MAGI2: variants seen among roughly 807,000 people sequenced by gnomAD.
MAGI2 encodes membrane associated guanylate kinase, WW and PDZ domain containing 2, also known as membrane-associated guanylate kinase, WW and PDZ domain-containing protein 2.
MAGI2 carries 35 observed loss-of-function variants against 133.3 expected under a neutral mutation model. The ratio of observed to expected loss-of-function variants is 0.26; its 90% CI spans 0.20 to 0.35. The LOEUF (loss-of-function observed/expected upper bound fraction) is 0.35, where lower values mean the gene tolerates loss of function less well. Among genes scored for constraint, MAGI2 ranks in the 10% least tolerant of loss-of-function variants. The pLI, the probability that MAGI2 is intolerant of heterozygous loss-of-function variation, is 1.00. For synonymous variants in MAGI2, 729 were observed against 710.6 expected (o/e 1.03, Z -0.41); for missense variants, 1,636 against 1,863.4 (o/e 0.88, Z 2.25).
chr7:78,185,643 C>T lies in MAGI2; in HGVS notation c.2297G>A (p.Arg766Gln), dbSNP rs746033133. The T allele has an allele frequency of 4.7e-5, 74 of 1,591,114 alleles. No homozygotes were observed. The highest frequency in any genetic ancestry group is 3.1e-4 in the South Asian group (27 of 87,748). ...RQQVPPRTSFRMDSSGPDYKE... is the reference protein window; with the variant it reads ...RQQVPPRTSFQMDSSGPDYKE... ...ACAATACTTGCCAGAGGAATCCATT[C>T]GAAAACTGGTCCTGGGTGGCACTTG... Residue 766 changes from arginine to glutamine, a missense_variant, in exon 13 of 22, where the codon CGA becomes CAA. Arg to Gln is a conservative substitution (Grantham distance 43). This residue lies in a region of MAGI2 where 920 missense variants were observed against 1,093.5 expected (regional missense o/e 0.84). Coordinates refer to ENST00000354212, the MANE Select transcript of MAGI2 (RefSeq NM_012301.4).
rs528122001 is a variant in MAGI2, at chr7:78,810,530, T to C, written c.419-183291A>G. Among the ~76,000 whole-genome samples the C allele has an allele frequency of 4.6e-5, 7 of 152,264 alleles. No homozygotes were observed. The South Asian group carries it at 1.4e-3, about 32-fold the overall frequency. Reference sequence around the variant, plus strand: ...GAATACAATTTAATATATTAGTGCATTGGTAGGAAATATTAACAGTGATAG... The same window carrying C: ...GAATACAATTTAATATATTAGTGCACTGGTAGGAAATATTAACAGTGATAG... On this transcript the variant is annotated intron_variant, in intron 2 of 21. Coordinates refer to ENST00000354212, the MANE Select transcript of MAGI2 (RefSeq NM_012301.4).
intron 2 of MAGI2, among the ~76,000 whole-genome samples, chr7:78,942,012 T>C (rs1801025608): frequency 6.6e-6 from 1 of 152,112 alleles, no homozygotes; most frequent in African/African-American, 2.4e-5. Flanking sequence ...AATGTGAAAA[T>C]TGTGAAACTA....
intron 1 of MAGI2, among the ~76,000 whole-genome samples, chr7:79,284,677 T>A (rs1273223982): frequency 6.6e-6 from 1 of 152,128 alleles, no homozygotes; most frequent in East Asian, 1.9e-4. Flanking sequence ...AGATCAATAG[T>A]TTCAATTAAT....
At chr7:78,363,155 C>A (rs1356741641) in intron 7 of MAGI2, among the ~76,000 whole-genome samples, 1 of 152,154 alleles carries the variant, frequency 6.6e-6, no homozygotes, top group African/African-American at 2.4e-5. Context: ...TGACTGAAGG[C>A]TCAACGCCTT....
At chr7:78,648,213 A>C (rs1811108411) in intron 2 of MAGI2, among the ~76,000 whole-genome samples, 1 of 152,214 alleles carries the variant, frequency 6.6e-6, no homozygotes, top group African/African-American at 2.4e-5. Context: ...TACAATAAAT[A>C]ACAATTCAAA....
At chr7:78,954,605 T>C (rs141917095) in intron 2 of MAGI2, among the ~76,000 whole-genome samples, 112 of 152,312 alleles carry the variant, frequency 7.4e-4, no homozygotes, top group African/African-American at 2.5e-3. Context: ...TGATGCCTCC[T>C]TCCCCTAATT....
intron 1 of MAGI2, among the ~76,000 whole-genome samples, chr7:79,126,639 G>C (rs1389500705): frequency 4.6e-5 from 7 of 151,928 alleles, no homozygotes; most frequent in Admixed American, 6.6e-5. Flanking sequence ...TTTGAGTTGG[G>C]TTTCATTCAT....
intron 1 of MAGI2, among the ~76,000 whole-genome samples, chr7:79,385,262 A>C (rs73141612): frequency 0.15 from 22,028 of 151,778 alleles, 1,703 homozygotes; most frequent in South Asian, 0.25. Flanking sequence ...GTAATAAAAA[A>C]CATAAGTGGA....
At chr7:78,545,175 A>G (rs1172524758) in intron 3 of MAGI2, among the ~76,000 whole-genome samples, 2 of 149,938 alleles carry the variant, frequency 1.3e-5, no homozygotes, top group African/African-American at 4.9e-5. Context: ...CTTATACTAA[A>G]TTGAGTCATG....
At chr7:79,104,667 A>AAAAT (rs568631365) in intron 1 of MAGI2, among the ~76,000 whole-genome samples, 23 of 152,206 alleles carry the variant, frequency 1.5e-4, no homozygotes, top group South Asian at 6.2e-4. Context: ...CTCCATCTCA[A>AAAAT]AAATAAATAA....
At chr7:78,263,843 T>C (rs1793745065) in intron 9 of MAGI2, among the ~76,000 whole-genome samples, 1 of 152,150 alleles carries the variant, frequency 6.6e-6, no homozygotes, top group Admixed American at 6.5e-5. Context: ...ATTTTCATTG[T>C]CTCCTGCTTT....
At chr7:78,726,847 T>G (rs903005145) in intron 2 of MAGI2, among the ~76,000 whole-genome samples, 3 of 152,132 alleles carry the variant, frequency 2.0e-5, no homozygotes, top group African/African-American at 7.2e-5. Flanking sequence ...TCACATCTTT[T>G]TAGGCATCCT....
intron 1 of MAGI2, among the ~76,000 whole-genome samples, chr7:79,171,780 T>TTTTTTTTTTTTTTC: frequency 1.9e-5 from 1 of 53,438 alleles, no homozygotes; most frequent in Non-Finnish European, 5.6e-5. Context: ...ATTTTTTTTT[T>TTTTTTTTTTTTTTC]TTTTTTCTTT....
chr7:78,674,814 G>A (rs1814813098), intron 2 of MAGI2, among the ~76,000 whole-genome samples: 1 of 152,076 alleles, frequency 6.6e-6, no homozygotes, highest in Admixed American at 6.6e-5. Context: ...GTAATTATAA[G>A]TTTAAGACCA....
At chr7:78,170,959 G>A (rs934163442) in intron 14 of MAGI2, 5 of 152,066 alleles carry the variant, frequency 3.3e-5, no homozygotes, top group Admixed American at 6.6e-5. Flanking sequence ...GCCCATTAGC[G>A]GTATTGTACA....
Position 78,256,310 on chromosome 7 carries a change from A to G in MAGI2, c.1680T>C (p.Asp560=). 1 of 1,614,092 alleles carries G rather than the reference A, an allele frequency of 6.2e-7. No individual in the cohort carries two copies. Among genetic ancestry groups the G allele is most frequent in the Non-Finnish European group, 8.5e-7 (1 of 1,180,002 alleles). Residue 560 remains aspartate, a synonymous_variant, in exon 10 of 22, where the codon GAT becomes GAC. Coordinates refer to ENST00000354212, the MANE Select transcript of MAGI2 (RefSeq NM_012301.4). ...YISRTSQSVP[D]ITDRPPHSLH... is the part of the protein sequence containing the mutation. ...GAGAATGAGGCGGCCGATCTGTTAT[A>G]TCTGGAACTGACTGTGAGGTCCGAG... is the stretch of plus-strand genomic sequence containing the variant.
At chr7:78,745,292 C>T (rs1040131004) in intron 2 of MAGI2, among the ~76,000 whole-genome samples, 3 of 152,146 alleles carry the variant, frequency 2.0e-5, no homozygotes, top group Admixed American at 2.0e-4. Flanking sequence ...AGATTTGAAC[C>T]TCTGCAGTTT....
chr7:79,297,938 A>G (rs1040555031), intron 1 of MAGI2, among the ~76,000 whole-genome samples: 1 of 152,234 alleles, frequency 6.6e-6, no homozygotes, highest in Non-Finnish European at 1.5e-5. Flanking sequence ...TCAAAATTTA[A>G]GGGAAAACAA....
chr7:78,723,556 G>GT (rs1820469499), intron 2 of MAGI2, among the ~76,000 whole-genome samples: 1 of 152,158 alleles, frequency 6.6e-6, no homozygotes, highest in Non-Finnish European at 1.5e-5. Context: ...TAAAATTAGG[G>GT]TATGTAGAGA....
Sources: gnomAD v4.1 joint callset for allele counts (sites outside exome capture counted in the v4.1 genomes callset) on GRCh38, gnomAD v4.1.1 for gene constraint, gnomAD v4.1.1 regional missense constraint, MANE v1.5 for transcripts, NCBI Gene and HGNC (gene_info 2026-07-23, HGNC 2026-07-21) for gene names.